Variants in TRAF3IP2 observed in about 807,000 individuals in gnomAD.
TRAF3IP2 encodes the protein E3 ubiquitin ligase TRAF3IP2.
TRAF3IP2 carries 35 observed loss-of-function variants against 57.9 expected under a neutral mutation model. The observed-to-expected ratio is 0.60, with a 90% CI of 0.46 to 0.80. The LOEUF is 0.80. Among genes scored for constraint, TRAF3IP2 ranks in the 30% least tolerant of loss-of-function variants. The probability of loss-of-function intolerance (pLI) is 0.00; values close to 1 mark genes in which losing one functional copy is unlikely to be tolerated. For synonymous variants in TRAF3IP2, 251 were observed against 268.9 expected (o/e 0.93, Z 0.65); for missense variants, 556 against 706.4 (o/e 0.79, Z 2.41).
intron 5 of TRAF3IP2, among the ~76,000 whole-genome samples, chr6:111,572,388 C>A (rs982316169): frequency 6.6e-6 from 1 of 152,108 alleles, no homozygotes; most frequent in Non-Finnish European, 1.5e-5. Flanking sequence ...AGCATCACTG[C>A]GTCAAGGTAT....
chr6:111,591,866 C>A lies in TRAF3IP2; in HGVS notation c.221G>T (p.Arg74Leu), dbSNP rs149247775. 6.2e-7 allele frequency: 1 copy of A among 1,614,034 alleles called. No homozygotes were observed. The highest frequency in any genetic ancestry group is 1.3e-5 in the African/African-American group (1 of 74,910). The stretch of plus-strand genomic sequence containing the variant: ...GCAGGTGACCTGCCGGGATACAGGC[C>A]GCTGGTGATTTGCAAGTTTCAGGGT... The part of the protein sequence containing the change: ...HSTLKLANHQ[R>L]PVSRQVTCLR... The change falls in exon 2 of 9, where the codon CGG (arginine) becomes CTG (leucine). Residue 74 changes from arginine to leucine, a missense_variant. Around this residue, in one of 2 missense-constraint regions of TRAF3IP2, gnomAD observed 428 missense variants for 498.7 expected, o/e 0.86. Transcript: ENST00000368761. This position sits in a 1 kb window ranked among gnomAD's most constrained non-coding sequence, Gnocchi z 4.9.
intron 1 of TRAF3IP2, chr6:111,601,361 A>T (rs960528588): frequency 5.7e-6 from 3 of 525,416 alleles, no homozygotes; most frequent in African/African-American, 5.7e-5. Context: ...ATTAAATTTT[A>T]ATCATTAACT....
intron 1 of TRAF3IP2, among the ~76,000 whole-genome samples, chr6:111,599,462 C>T (rs1487218130): frequency 2.6e-5 from 4 of 152,158 alleles, no homozygotes; most frequent in African/African-American, 7.2e-5. Flanking sequence ...GACAATGCTC[C>T]CTTGCTGTCC....
At chr6:111,597,528 G>A (rs1374271044) in intron 1 of TRAF3IP2, among the ~76,000 whole-genome samples, 2 of 152,222 alleles carry the variant, frequency 1.3e-5, no homozygotes, top group East Asian at 3.8e-4. Flanking sequence ...ACATCAGGGG[G>A]CCACAGACAG....
chr6:111,598,805 G>A (rs1038366038), intron 1 of TRAF3IP2, among the ~76,000 whole-genome samples: 8 of 152,194 alleles, frequency 5.3e-5, no homozygotes, highest in Non-Finnish European at 8.8e-5. Context: ...TGATTCTGAT[G>A]CTCACAAAGA....
chr6:111,575,782 A>T lies in TRAF3IP2; in HGVS notation c.1062T>A (p.Ala354=). 1 of 1,610,078 alleles carries T rather than the reference A, an allele frequency of 6.2e-7. No individual in the cohort carries two copies. Among genetic ancestry groups the T allele is most frequent in the South Asian group, 1.1e-5 (1 of 90,472 alleles). Residue 354 remains alanine (A), a synonymous_variant, in exon 4 of 9, where the codon GCT becomes GCA. Coordinates refer to ENST00000368761, the MANE Select transcript of TRAF3IP2 (RefSeq NM_147686.4). The part of the protein sequence containing the change: ...PHHQPPNRAG[A]PGESLECPAE... ...CAGGGCACTCCAAGGACTCCCCAGG[A>T]GCACCAGCTCTATTAGGTGGCTGGT...
intron 4 of TRAF3IP2, 34 bp downstream of exon 4, chr6:111,575,603 AAAAAAG>A (rs766936250): frequency 3.7e-5 from 58 of 1,564,732 alleles, no homozygotes; most frequent in Non-Finnish European, 7.8e-6. Context: ...AAAAAAAAAA[AAAAAAG>A]AGGAAGGAGA....
intron 5 of TRAF3IP2, among the ~76,000 whole-genome samples, chr6:111,567,987 C>T (rs1471060125): frequency 3.3e-5 from 5 of 152,240 alleles, no homozygotes; most frequent in African/African-American, 2.4e-5. Context: ...CTGAGGGACA[C>T]GGTATACCAC....
intron 2 of TRAF3IP2, among the ~76,000 whole-genome samples, chr6:111,588,418 GTGTTTGCC>G (rs1796405886): frequency 6.6e-6 from 1 of 152,238 alleles, no homozygotes; most frequent in Admixed American, 6.5e-5. Context: ...CCAGTCAGGA[GTGTTTGCC>G]TTTTAAAGGA....
Position 111,559,245 on chromosome 6 carries a change from G to T in TRAF3IP2, c.*160C>A. On this transcript the variant is annotated 3_prime_UTR_variant, in exon 9 of 9. Transcript: ENST00000368761. ...AGCCAGGGTGTGTGGAGGTCTCCGG[G>T]GAAGAGCTCTGCACAACAGGTTTCC... 2 of 941,544 alleles carry T rather than the reference G, an allele frequency of 2.1e-6. No individual in the cohort carries two copies. 58.3% of individuals were successfully genotyped at this position (941,544 alleles called of 1,614,324 possible). A position where few individuals can be genotyped will look rare whatever the true frequency, so the allele number is the denominator to read the frequency against.
At position 111,556,729 on chromosome 6, in the gene TRAF3IP2, C is replaced by CAG. The variant is rs1274027805; in HGVS notation, c.*2675_*2676insCT. ...AAAGACATTCGTCTCACCCAGTAGA[C>CAG]ATCTAAGTTATAAAGTAAATGAAAC... On this transcript the variant is annotated 3_prime_UTR_variant, in exon 9 of 9. Coordinates refer to ENST00000368761, the MANE Select transcript of TRAF3IP2 (RefSeq NM_147686.4). The CAG allele has an allele frequency of 6.6e-6, 1 of 151,494 alleles. No homozygotes were observed. 9.4% of individuals were successfully genotyped at this position (151,494 alleles called of 1,614,324 possible).
chr6:111,605,087 T>TAAA, intron 1 of TRAF3IP2, among the ~76,000 whole-genome samples: 1 of 148,448 alleles, frequency 6.7e-6, no homozygotes, highest in East Asian at 2.0e-4. Flanking sequence ...CCTGTTCCTT[T>TAAA]AAAAAAAAAA....
At chr6:111,599,126 T>C (rs1240870269) in intron 1 of TRAF3IP2, among the ~76,000 whole-genome samples, 1 of 150,084 alleles carries the variant, frequency 6.7e-6, no homozygotes, top group East Asian at 2.0e-4. Context: ...TAGGCTGGTC[T>C]CGAACTCCTG....
intron 2 of TRAF3IP2, among the ~76,000 whole-genome samples, chr6:111,580,847 T>G (rs553602796): frequency 6.6e-6 from 1 of 152,208 alleles, no homozygotes; most frequent in Non-Finnish European, 1.5e-5. Flanking sequence ...CACGTGCATG[T>G]GCACACACAC....
chr6:111,583,964 C>G (rs3777914), intron 2 of TRAF3IP2, among the ~76,000 whole-genome samples: 54,794 of 152,030 alleles, frequency 0.36, 11,485 homozygotes, highest in East Asian at 0.49. Flanking sequence ...GCCTTAAAAG[C>G]CTTTATGAGG....
rs375272521 is a variant in TRAF3IP2 at position 111,567,686 on chromosome 6, T to C, written c.1297A>G (p.Ile433Val). 9.3e-6 allele frequency: 15 copies of C among 1,604,530 alleles called. No homozygotes were observed. The East Asian group carries it at 1.8e-4, about 19-fold the overall frequency. Residue 433 changes from isoleucine (I) to valine (V), a missense_variant, in exon 6 of 9, where the codon ATA becomes GTA. Transcript: ENST00000368761. ...LVNGFQTAIDIFEDRIRGIDI... is the reference protein window; with the variant it reads ...LVNGFQTAIDVFEDRIRGIDI... Reference sequence around the variant, plus strand: ...ATGCCTCGGATTCTATCCTCAAATATGTCAATCTGCAAAAAAAAAGATGTG... The same window carrying C: ...ATGCCTCGGATTCTATCCTCAAATACGTCAATCTGCAAAAAAAAAGATGTG...
At chr6:111,577,782 G>A (rs1394476696) in intron 3 of TRAF3IP2, among the ~76,000 whole-genome samples, 1 of 152,024 alleles carries the variant, frequency 6.6e-6, no homozygotes, top group African/African-American at 2.4e-5. Flanking sequence ...CACAATCACG[G>A]CTCACTGCAG....
At position 111,601,232 on chromosome 6, in the gene TRAF3IP2, G is replaced by T. The variant is rs1796853933; in HGVS notation, c.-9+4544C>A. On this transcript the variant is annotated intron_variant, in intron 1 of 8. Coordinates refer to ENST00000368761, the MANE Select transcript of TRAF3IP2 (RefSeq NM_147686.4). ...GGAGGCATGGAAGCAGGCCACCTGT[G>T]TTCTGTACAGCATCACCAGGCTGGA... The T allele has an allele frequency of 3.9e-6, 3 of 776,912 alleles. No homozygotes were observed. The African/African-American group carries it at 5.1e-5, about 13-fold the overall frequency. 48.1% of individuals were successfully genotyped at this position (776,912 alleles called of 1,614,324 possible).
intron 8 of TRAF3IP2, 83 bp downstream of exon 8, chr6:111,562,882 G>A (rs1795498947): frequency 2.9e-6 from 3 of 1,045,096 alleles, no homozygotes; most frequent in African/African-American, 3.3e-5. Context: ...AAAAAGAATG[G>A]ACAAGGTTTT....
Sources: gnomAD v4.1 joint callset for allele counts (sites outside exome capture counted in the v4.1 genomes callset) on GRCh38, gnomAD v4.1.1 for gene constraint, gnomAD v4.1.1 regional missense constraint, Gnocchi (gnomAD v3.1) non-coding constraint, MANE v1.5 for transcripts, NCBI Gene and HGNC (gene_info 2026-07-23, HGNC 2026-07-21) for gene names.